Variants in DEPDC5 observed in about 807,000 individuals in gnomAD.
The protein encoded by DEPDC5 is GATOR1 complex protein DEPDC5.
In DEPDC5, 73 loss-of-function variants were observed where a neutral mutation model predicts 217.3. That is an observed-to-expected ratio of 0.34 (90% CI 0.28 to 0.41). The LOEUF (loss-of-function observed/expected upper bound fraction) is 0.41, where lower values mean the gene tolerates loss of function less well. Ranked by LOEUF, DEPDC5 falls within the 10% of genes least tolerant of loss-of-function variation. The pLI, the probability that DEPDC5 is intolerant of heterozygous loss-of-function variation, is 1.00. For synonymous variants in DEPDC5, 733 were observed against 756.7 expected, an observed-to-expected ratio of 0.97 and a Z score of 0.51; for missense variants, 1,675 against 2,070.1, an observed-to-expected ratio of 0.81 and a Z score of 3.70.
At chr22:31,801,475 G>A (rs547442451) in intron 14 of DEPDC5, among the ~76,000 whole-genome samples, 3 of 152,152 alleles carry the variant, frequency 2.0e-5, no homozygotes, top group East Asian at 3.9e-4. Context: ...TTATGTGTTA[G>A]CCGAAATATA....
At chr22:31,760,569 T>C in intron 3 of DEPDC5, 87 bp from the exon 4 acceptor site, 1 of 1,143,964 alleles carries the variant, frequency 8.7e-7, no homozygotes, top group Non-Finnish European at 1.3e-6. Context: ...ATGGCCAGAG[T>C]GACCTATTTG....
At chr22:31,808,165 G>C (rs1388401455) in intron 18 of DEPDC5, among the ~76,000 whole-genome samples, 1 of 151,168 alleles carries the variant, frequency 6.6e-6, no homozygotes, top group Non-Finnish European at 1.5e-5. Context: ...GTGGGATCTC[G>C]GCTCACTGCA....
intron 14 of DEPDC5, 139 bp from the exon 15 acceptor site, chr22:31,802,565 G>A (rs1272958858): frequency 1.8e-5 from 17 of 969,872 alleles, no homozygotes; most frequent in South Asian, 6.2e-5. Context: ...AGACAGATGC[G>A]TATACATTTA....
intron 37 of DEPDC5, 55 bp downstream of exon 37, chr22:31,876,320 C>T (rs941970601): frequency 7.1e-7 from 1 of 1,401,110 alleles, no homozygotes; most frequent in Admixed American, 1.8e-5. Context: ...TTCCTGGTGA[C>T]TTGCTCTTTC....
At position 31,798,512 on chromosome 22, in the gene DEPDC5, C is replaced by A; in HGVS notation, c.872-70C>A. Reference sequence around the variant, plus strand: ...CAGCCTGGGTGACACAGCAAGGCTTCGTTTAAAATTAAAAAAAAAAGTTCA... The same window carrying A: ...CAGCCTGGGTGACACAGCAAGGCTTAGTTTAAAATTAAAAAAAAAAGTTCA... On this transcript the variant is annotated intron_variant, in intron 13 of 42. Coordinates refer to ENST00000651528, the MANE Select transcript of DEPDC5 (RefSeq NM_001242896.3). 5.1e-6 allele frequency: 7 copies of A among 1,385,622 alleles called. No homozygotes were observed. The South Asian group carries it at 8.4e-5, about 17-fold the overall frequency. The allele number at this position is 1,385,622 out of a possible 1,614,324, so 85.8% of individuals were successfully genotyped here. A position where few individuals can be genotyped will look rare whatever the true frequency, so the allele number is the denominator to read the frequency against.
At chr22:31,873,188 C>T in intron 34 of DEPDC5, 67 bp from the exon 35 acceptor site, 1 of 1,612,124 alleles carries the variant, frequency 6.2e-7, no homozygotes, top group Non-Finnish European at 8.5e-7. Flanking sequence ...GAGACTGTTC[C>T]TAATATTCGT....
intron 1 of DEPDC5, among the ~76,000 whole-genome samples, chr22:31,754,441 A>AGT (rs2075144639): frequency 6.6e-6 from 1 of 152,222 alleles, no homozygotes; most frequent in Admixed American, 6.5e-5. Context: ...GAATGGTGGG[A>AGT]GTGTCTCTTA....
rs1262520220 is a variant in DEPDC5 at position 31,831,043 on chromosome 22, G to A, written c.2105-2872G>A. 3.7e-5 allele frequency: 5 copies of A among 134,174 alleles called. No homozygotes were observed. The East Asian group carries it at 8.1e-4, about 22-fold the overall frequency. 8.3% of individuals were successfully genotyped at this position (134,174 alleles called of 1,614,324 possible). On this transcript the variant is annotated intron_variant, in intron 24 of 42. Coordinates refer to ENST00000651528, the MANE Select transcript of DEPDC5 (RefSeq NM_001242896.3). ...TATGAAAATGAAAGTTGTCAGCCAA[G>A]GTTTTTTTTTTTTTTTCCAGAAAAT...
chr22:31,825,182 C>G (rs2090047065), intron 24 of DEPDC5, among the ~76,000 whole-genome samples: 1 of 152,148 alleles, frequency 6.6e-6, no homozygotes, highest in South Asian at 2.1e-4. Context: ...ATTACAGGTT[C>G]TGATGGTAGC....
chr22:31,853,500 T>C (rs999101097), intron 31 of DEPDC5: 3 of 152,246 alleles, frequency 2.0e-5, no homozygotes, highest in African/African-American at 7.2e-5. Flanking sequence ...TTTATTTATG[T>C]GTTTTTCTTT....
At chr22:31,783,001 A>G in intron 8 of DEPDC5, among the ~76,000 whole-genome samples, 1 of 152,172 alleles carries the variant, frequency 6.6e-6, no homozygotes, top group Non-Finnish European at 1.5e-5. Flanking sequence ...AGGTGGTGAG[A>G]GGTGAAGCCA....
At position 31,758,646 on chromosome 22, in the gene DEPDC5, T is replaced by C; in HGVS notation, c.146+13T>C. 1 of 1,611,736 alleles carries C rather than the reference T, an allele frequency of 6.2e-7. No homozygotes were observed. The highest frequency in any genetic ancestry group is 2.2e-5 in the East Asian group (1 of 44,862). Reference sequence around the variant, plus strand: ...ACGATGAATACAGGTGAGTGTCTCATAGGATCCATGGAACTGGGCAATTCA... The same window carrying C: ...ACGATGAATACAGGTGAGTGTCTCACAGGATCCATGGAACTGGGCAATTCA... On this transcript the variant is annotated intron_variant, in intron 3 of 42. Coordinates refer to ENST00000651528, the MANE Select transcript of DEPDC5 (RefSeq NM_001242896.3).
chr22:31,792,930 CA>C, intron 12 of DEPDC5, 113 bp downstream of exon 12: 2 of 926,352 alleles, frequency 2.2e-6, no homozygotes, highest in East Asian at 3.9e-5. Context: ...ACCAAAAATA[CA>C]AAAAATTCGC....
At chr22:31,869,697 T>A (rs2092788092) in intron 33 of DEPDC5, among the ~76,000 whole-genome samples, 1 of 151,556 alleles carries the variant, frequency 6.6e-6, no homozygotes, top group Non-Finnish European at 1.5e-5. Flanking sequence ...CACATACACA[T>A]GGGTGAATGG....
Position 31,906,254 on chromosome 22 carries a change from G to A in DEPDC5, c.4569G>A (p.Gln1523=). The part of the protein sequence containing the change: ...LPYSKRKFSG[Q]QRRRRNSTSS... ...ACTCCAAGCGCAAGTTCTCAGGGCA[G>A]CAGCGGCGGCGGCGGAACTCCACCA... Residue 1523 remains glutamine (Q), a synonymous_variant, in exon 43 of 43, where the codon CAG becomes CAA. Coordinates refer to ENST00000651528, the MANE Select transcript of DEPDC5 (RefSeq NM_001242896.3). This position sits in a 1 kb window ranked among gnomAD's most constrained non-coding sequence, Gnocchi z 5.1. 4 of 1,613,976 alleles carry A rather than the reference G, an allele frequency of 2.5e-6. No individual in the cohort carries two copies. The highest frequency in any genetic ancestry group is 3.4e-6 in the Non-Finnish European group (4 of 1,179,972).
chr22:31,901,885 T>C, intron 41 of DEPDC5, 83 bp downstream of exon 41: 3 of 1,317,866 alleles, frequency 2.3e-6, no homozygotes, highest in Non-Finnish European at 2.1e-6. Flanking sequence ...AACTCATTTT[T>C]TTAGCTCCTA....
chr22:31,784,634 A>G (rs2084797278), intron 9 of DEPDC5, 180 bp from the exon 10 acceptor site: 2 of 503,344 alleles, frequency 4.0e-6, no homozygotes, highest in East Asian at 3.5e-5. Context: ...AAAAAAAAAA[A>G]AAGATGTACA....
chr22:31,835,252 C>G lies in DEPDC5; in HGVS notation c.2170+1272C>G, dbSNP rs538485966. On this transcript the variant is annotated intron_variant, in intron 25 of 42. Coordinates refer to ENST00000651528, the MANE Select transcript of DEPDC5 (RefSeq NM_001242896.3). ...GGCAGATTGACTATTTTCCAGAAAGCTACCAGCAGTGAATAGATGATTCTA... is the reference window on the plus strand; with the variant it reads ...GGCAGATTGACTATTTTCCAGAAAGGTACCAGCAGTGAATAGATGATTCTA... Among the ~76,000 whole-genome samples the G allele has an allele frequency of 8.5e-5, 13 of 152,358 alleles. No individual in the cohort carries two copies. In the South Asian group the frequency reaches 1.2e-3, roughly 15 times the overall value.
intron 7 of DEPDC5, among the ~76,000 whole-genome samples, chr22:31,777,473 GCTGAT>G (rs905391239): frequency 5.3e-5 from 8 of 151,740 alleles, no homozygotes; most frequent in African/African-American, 1.9e-4. Flanking sequence ...TGTTGGTCAG[GCTGAT>G]CTCGAACTCC....
Sources: gnomAD v4.1 joint callset for allele counts (sites outside exome capture counted in the v4.1 genomes callset) on GRCh38, gnomAD v4.1.1 for gene constraint, Gnocchi (gnomAD v3.1) non-coding constraint, MANE v1.5 for transcripts, NCBI Gene and HGNC (gene_info 2026-07-23, HGNC 2026-07-21) for gene names.